Variants in KAZN observed in about 807,000 individuals in gnomAD.
KAZN encodes the protein kazrin, periplakin interacting protein.
Under a neutral mutation model 87.4 loss-of-function variants are expected in KAZN, and 40 were observed. The ratio of observed to expected loss-of-function variants is 0.46; its 90% CI spans 0.36 to 0.60. KAZN has a LOEUF of 0.60. Among genes scored for constraint, KAZN ranks in the 20% least tolerant of loss-of-function variants. KAZN has a pLI of 0.00. For synonymous variants in KAZN, 466 were observed against 458.3 expected, an observed-to-expected ratio of 1.02 and a Z score of -0.22; for missense variants, 898 against 1,073.9, an observed-to-expected ratio of 0.84 and a Z score of 2.29.
chr1:13,948,682 A>C (rs895304616), intron 1 of KAZN, among the ~76,000 whole-genome samples: 3 of 152,000 alleles, frequency 2.0e-5, no homozygotes, highest in Non-Finnish European at 2.9e-5. Context: ...CTTTGTGGCC[A>C]TGAACCGTTC....
intron 1 of KAZN, among the ~76,000 whole-genome samples, chr1:14,006,425 G>A (rs1464224202): frequency 6.6e-6 from 1 of 152,150 alleles, no homozygotes; most frequent in African/African-American, 2.4e-5. Context: ...GCGATGCCAA[G>A]CTCTTTCAAA....
intron 1 of KAZN, among the ~76,000 whole-genome samples, chr1:14,861,343 C>T (rs978475238): frequency 6.6e-6 from 1 of 152,186 alleles, no homozygotes; most frequent in African/African-American, 2.4e-5. Flanking sequence ...TGCACCACTG[C>T]ACTCCAGCTT....
intron 2 of KAZN, among the ~76,000 whole-genome samples, chr1:14,440,546 A>G (rs1666640927): frequency 6.6e-6 from 1 of 152,228 alleles, no homozygotes; most frequent in Non-Finnish European, 1.5e-5. Context: ...CTAATTCAGT[A>G]TATGACACTT....
chr1:14,681,975 C>T (rs546429929), intron 1 of KAZN, among the ~76,000 whole-genome samples: 7 of 151,980 alleles, frequency 4.6e-5, no homozygotes, highest in South Asian at 2.1e-4. Context: ...CGTGAGCCAC[C>T]GCGCCCGGCC....
At chr1:14,325,974 T>C (rs186052174) in intron 2 of KAZN, among the ~76,000 whole-genome samples, 3 of 152,072 alleles carry the variant, frequency 2.0e-5, no homozygotes, top group Non-Finnish European at 4.4e-5. Flanking sequence ...CTCTTGGCAA[T>C]CTACACCCAC....
intron 1 of KAZN, among the ~76,000 whole-genome samples, chr1:14,147,702 A>G (rs1029654552): frequency 6.6e-6 from 1 of 151,940 alleles, no homozygotes; most frequent in African/African-American, 2.4e-5. Flanking sequence ...AGGCTGAGGC[A>G]GGAGAACCAC....
chr1:14,088,700 A>G (rs1226697493), intron 1 of KAZN, among the ~76,000 whole-genome samples: 2 of 152,006 alleles, frequency 1.3e-5, no homozygotes, highest in Non-Finnish European at 2.9e-5. Context: ...TGTTATCTGT[A>G]TACTTGTTTT....
intron 2 of KAZN, among the ~76,000 whole-genome samples, chr1:14,265,272 C>T (rs1159061811): frequency 6.6e-6 from 1 of 152,138 alleles, no homozygotes; most frequent in East Asian, 1.9e-4. Context: ...GTCTTGTGGG[C>T]TCAGAGATGC....
rs1644864470 is a variant in KAZN, at chr1:14,765,652, A to T, written c.226+166429A>T. Among the ~76,000 whole-genome samples, 4 of 152,102 alleles carry T rather than the reference A, an allele frequency of 2.6e-5. No individual in the cohort carries two copies. In the South Asian group the frequency reaches 8.3e-4, roughly 31 times the overall value. On this transcript the variant is annotated intron_variant, in intron 1 of 14. Transcript: ENST00000376030. ...TGCGAATGGAGAAGGGGAAGGAAGG[A>T]GTGTTGGTAGAAAGAGCCCCAGATC...
At chr1:15,039,631 A>G (rs1672694634) in intron 3 of KAZN, among the ~76,000 whole-genome samples, 1 of 152,244 alleles carries the variant, frequency 6.6e-6, no homozygotes, top group South Asian at 2.1e-4. Context: ...TTAATGGGGT[A>G]CATAGTGATG....
At chr1:14,488,803 C>A (rs183763660) in intron 2 of KAZN, among the ~76,000 whole-genome samples, 1 of 152,336 alleles carries the variant, frequency 6.6e-6, no homozygotes, top group East Asian at 1.9e-4. Context: ...CCCTCTCCAT[C>A]TGCCTCTGGC....
At chr1:14,634,142 T>G (rs535323554) in intron 1 of KAZN, among the ~76,000 whole-genome samples, 49 of 152,302 alleles carry the variant, frequency 3.2e-4, no homozygotes, top group South Asian at 3.1e-3. Context: ...CAAGGAGTTA[T>G]GTGTGTGTAT....
chr1:14,664,977 C>A (rs1244867577), intron 1 of KAZN, among the ~76,000 whole-genome samples: 1 of 152,184 alleles, frequency 6.6e-6, no homozygotes, highest in African/African-American at 2.4e-5. Flanking sequence ...TTATTTGGCT[C>A]CTCTGCTGGT....
At chr1:15,007,496 C>G (rs942129994) in intron 2 of KAZN, among the ~76,000 whole-genome samples, 1 of 152,228 alleles carries the variant, frequency 6.6e-6, no homozygotes, top group African/African-American at 2.4e-5. Context: ...AGGGCTCTCT[C>G]AGGCCTCTCT....
intron 1 of KAZN, among the ~76,000 whole-genome samples, chr1:14,893,067 A>G (rs924320731): frequency 1.3e-5 from 2 of 152,202 alleles, no homozygotes; most frequent in African/African-American, 4.8e-5. Flanking sequence ...TCAAATAATC[A>G]TTTTTAAAAG....
At chr1:14,335,528 G>A (rs866347402) in intron 2 of KAZN, among the ~76,000 whole-genome samples, 36 of 151,908 alleles carry the variant, frequency 2.4e-4, no homozygotes, top group Admixed American at 4.6e-4. Flanking sequence ...CCTCTCTTTT[G>A]ACCTCTCTCT....
intron 2 of KAZN, among the ~76,000 whole-genome samples, chr1:14,307,593 G>A (rs1386789510): frequency 6.6e-6 from 1 of 152,166 alleles, no homozygotes; most frequent in Non-Finnish European, 1.5e-5. Context: ...TTGAACTCTA[G>A]CCTATGTAAC....
chr1:14,134,415 C>T (rs1177329169), intron 1 of KAZN, among the ~76,000 whole-genome samples: 2 of 152,114 alleles, frequency 1.3e-5, no homozygotes, highest in East Asian at 1.9e-4. Flanking sequence ...GAGGTGATCT[C>T]GTTTCATCTT....
At chr1:14,372,903 T>C (rs936621581) in intron 2 of KAZN, among the ~76,000 whole-genome samples, 2 of 152,098 alleles carry the variant, frequency 1.3e-5, no homozygotes, top group African/African-American at 4.8e-5. Flanking sequence ...AATGAACAAA[T>C]TAATAACTAA....
Sources: gnomAD v4.1 joint callset for allele counts (sites outside exome capture counted in the v4.1 genomes callset) on GRCh38, gnomAD v4.1.1 for gene constraint, MANE v1.5 for transcripts, NCBI Gene and HGNC (gene_info 2026-07-23, HGNC 2026-07-21) for gene names.